TBC1D5: variants seen among roughly 807,000 people sequenced by gnomAD.
The protein encoded by TBC1D5 is TBC1 domain family, member 5.
Under a neutral mutation model 100.3 loss-of-function variants are expected in TBC1D5, and 75 were observed. That is an observed-to-expected ratio of 0.75 (90% CI 0.62 to 0.91). The LOEUF (loss-of-function observed/expected upper bound fraction) is 0.91, where lower values mean the gene tolerates loss of function less well. Among genes scored for constraint, TBC1D5 ranks in the 40% least tolerant of loss-of-function variants. TBC1D5 has a pLI of 0.00. For synonymous variants in TBC1D5, 323 were observed against 325.6 expected (o/e 0.99, Z 0.09); for missense variants, 910 against 942.4 (o/e 0.97, Z 0.45).
intron 2 of TBC1D5, among the ~76,000 whole-genome samples, chr3:17,559,151 C>A (rs1422964163): frequency 2.0e-5 from 3 of 148,534 alleles, no homozygotes; most frequent in African/African-American, 7.4e-5. Flanking sequence ...AAATGTAAAA[C>A]TTTTTTTTTT....
chr3:17,637,460 G>A (rs1485778085), intron 1 of TBC1D5, among the ~76,000 whole-genome samples: 3 of 151,472 alleles, frequency 2.0e-5, no homozygotes, highest in Non-Finnish European at 4.4e-5. Context: ...TTTGTGCAAT[G>A]GGAAAAAATC....
intron 4 of TBC1D5, among the ~76,000 whole-genome samples, chr3:17,408,056 G>A (rs1292985348): frequency 1.3e-5 from 2 of 152,030 alleles, no homozygotes; most frequent in African/African-American, 2.4e-5. Context: ...GAATGGACAT[G>A]AGAGGCACAT....
At chr3:17,304,084 C>T (rs564784403) in intron 14 of TBC1D5, among the ~76,000 whole-genome samples, 172 of 152,214 alleles carry the variant, frequency 1.1e-3, no homozygotes, top group African/African-American at 3.9e-3. Context: ...AACTGGATTA[C>T]TTGTGAAAGC....
intron 3 of TBC1D5, among the ~76,000 whole-genome samples, chr3:17,498,038 A>C (rs2095736779): frequency 6.6e-6 from 1 of 152,178 alleles, no homozygotes; most frequent in South Asian, 2.1e-4. Context: ...CTGGAGATGT[A>C]AAAGAAAATG....
chr3:17,340,598 G>T (rs1301879417), intron 13 of TBC1D5: 1 of 152,164 alleles, frequency 6.6e-6, no homozygotes, highest in East Asian at 1.9e-4. Context: ...ATAGCCATGG[G>T]TTGTCACTGT....
intron 2 of TBC1D5, among the ~76,000 whole-genome samples, chr3:17,608,982 TAC>T (rs2061508034): frequency 1.3e-5 from 2 of 152,156 alleles, no homozygotes; most frequent in Non-Finnish European, 2.9e-5. Flanking sequence ...ACTTATTCCT[TAC>T]CATTTGTTTA....
At chr3:17,503,530 A>G (rs2153224858) in intron 3 of TBC1D5, among the ~76,000 whole-genome samples, 1 of 149,698 alleles carries the variant, frequency 6.7e-6, no homozygotes, top group East Asian at 1.9e-4. Context: ...CAAGGCACTC[A>G]AATATTTACT....
At chr3:17,411,749 T>C (rs1251612043) in intron 4 of TBC1D5, among the ~76,000 whole-genome samples, 1 of 152,184 alleles carries the variant, frequency 6.6e-6, no homozygotes, top group Non-Finnish European at 1.5e-5. Context: ...AGGATAATTA[T>C]TTGTTAGCTT....
At chr3:17,313,805 G>A (rs755309956) in intron 13 of TBC1D5, among the ~76,000 whole-genome samples, 4 of 152,114 alleles carry the variant, frequency 2.6e-5, no homozygotes, top group East Asian at 3.8e-4. Context: ...CAACAATTAC[G>A]TTGGAAATAG....
intron 18 of TBC1D5, among the ~76,000 whole-genome samples, chr3:17,196,980 T>A (rs1288516847): frequency 2.0e-5 from 3 of 152,160 alleles, no homozygotes; most frequent in Non-Finnish European, 4.4e-5. Flanking sequence ...AAACTCCACA[T>A]AGATGAACGC....
chr3:17,263,148 G>A (rs1575025335), intron 15 of TBC1D5, among the ~76,000 whole-genome samples: 1 of 151,928 alleles, frequency 6.6e-6, no homozygotes, highest in East Asian at 1.9e-4. Flanking sequence ...AGGCTGCAGT[G>A]AACTATGATC....
chr3:17,392,037 A>G (rs999812588), intron 8 of TBC1D5, among the ~76,000 whole-genome samples: 13 of 152,228 alleles, frequency 8.5e-5, no homozygotes, highest in Non-Finnish European at 1.5e-5. Context: ...AGCAAATGAT[A>G]CCAACATTAA....
intron 21 of TBC1D5, among the ~76,000 whole-genome samples, chr3:17,163,515 G>T (rs2066293194): frequency 6.6e-6 from 1 of 152,074 alleles, no homozygotes; most frequent in African/African-American, 2.4e-5. Context: ...CCCAATACAG[G>T]TAAGTCTTAC....
chr3:17,685,747 C>T (rs953347438), intron 1 of TBC1D5, among the ~76,000 whole-genome samples: 1 of 151,928 alleles, frequency 6.6e-6, no homozygotes, highest in Non-Finnish European at 1.5e-5. Flanking sequence ...CATATTTTCC[C>T]TCAAACAACT....
chr3:17,536,355 T>C (rs2096281403), intron 2 of TBC1D5, among the ~76,000 whole-genome samples: 2 of 152,170 alleles, frequency 1.3e-5, no homozygotes, highest in African/African-American at 4.8e-5. Context: ...CCATCAAAAT[T>C]AGAAGTACAT....
intron 1 of TBC1D5, among the ~76,000 whole-genome samples, chr3:17,727,737 T>G (rs1269795121): frequency 6.6e-6 from 1 of 152,212 alleles, no homozygotes; most frequent in Non-Finnish European, 1.5e-5. Flanking sequence ...AGGTGAGTTA[T>G]TTCAATGACA....
intron 17 of TBC1D5, among the ~76,000 whole-genome samples, chr3:17,235,582 A>C (rs895174749): frequency 1.3e-5 from 2 of 152,218 alleles, no homozygotes; most frequent in African/African-American, 4.8e-5. Context: ...ACCAGCATAA[A>C]GAACCAATGT....
intron 14 of TBC1D5, among the ~76,000 whole-genome samples, chr3:17,306,611 A>C (rs1243287096): frequency 2.0e-5 from 3 of 152,184 alleles, no homozygotes; most frequent in Non-Finnish European, 4.4e-5. Flanking sequence ...AGGATGATTA[A>C]ATTAAAAATA....
chr3:17,395,319 G>A (rs1247073904), intron 8 of TBC1D5, among the ~76,000 whole-genome samples: 2 of 151,910 alleles, frequency 1.3e-5, no homozygotes, highest in Non-Finnish European at 2.9e-5. Context: ...AAATATAAAC[G>A]TAGGTAGATA....
Sources: gnomAD v4.1 joint callset for allele counts (sites outside exome capture counted in the v4.1 genomes callset) on GRCh38, gnomAD v4.1.1 for gene constraint, MANE v1.5 for transcripts, NCBI Gene and HGNC (gene_info 2026-07-23, HGNC 2026-07-21) for gene names.